The following SLC2A3 variants were observed in gnomAD, a reference collection of about 807,000 sequenced individuals.
SLC2A3 encodes the protein solute carrier family 2 member 3, also known as solute carrier family 2, facilitated glucose transporter member 3.
Under a neutral mutation model 46.4 loss-of-function variants are expected in SLC2A3, and 21 were observed. That is an observed-to-expected ratio of 0.45 (90% confidence interval 0.32 to 0.65). SLC2A3 has a LOEUF of 0.65. SLC2A3 is among the 30% of genes least tolerant of loss of function. The pLI, the probability that SLC2A3 is intolerant of heterozygous loss-of-function variation, is 0.04. For synonymous variants in SLC2A3, 213 were observed against 239.4 expected (o/e 0.89, Z 1.02); for missense variants, 499 against 623.3 (o/e 0.80, Z 2.12).
chr12:7,932,954 A>G, intron 3 of SLC2A3, 33 bp downstream of exon 3: 1 of 1,611,988 alleles, frequency 6.2e-7, no homozygotes, highest in Admixed American at 1.7e-5. Flanking sequence ...TGGCTGGTAG[A>G]GCCCACTTCC....
Position 7,921,375 on chromosome 12 carries a change from C to A in SLC2A3, c.*38G>T, listed in dbSNP as rs1443125522. ...CTCTCCCTTGTTGAGGGAGAGGTGG[C>A]TTTCCCATGCCGGGAGGGAGGTGGA... On this transcript the variant is annotated 3_prime_UTR_variant, in exon 10 of 10. Transcript: ENST00000075120. The A allele has an allele frequency of 2.5e-6, 4 of 1,613,604 alleles. No individual in the cohort carries two copies. The African/African-American group carries it at 5.3e-5, about 22-fold the overall frequency.
rs80058986 is a variant in SLC2A3, at chr12:7,931,332, G to A, written c.423C>T (p.Tyr141=). ...GGGCAGTAGGCGAGATCTCTCCAAT[G>A]TACATGGGCACAAAACCTGTGCAGA... ...CGLCTGFVPM[Y]IGEISPTALR... Residue 141 remains tyrosine (Y), a synonymous_variant, in exon 4 of 10, where the codon TAC becomes TAT. Transcript: ENST00000075120. The A allele has an allele frequency of 3.1e-6, 5 of 1,614,152 alleles. No individual in the cohort carries two copies. In the Admixed American group the frequency reaches 8.3e-5, roughly 27 times the overall value.
At chr12:7,933,300 C>T (rs1032777084) in intron 2 of SLC2A3, 153 bp from the exon 3 acceptor site, 1 of 867,224 alleles carries the variant, frequency 1.2e-6, no homozygotes, top group Non-Finnish European at 1.7e-6. Context: ...TATGTTAACT[C>T]TCGCTGGAAT....
At chr12:7,928,039 G>C (rs1039258866) in intron 6 of SLC2A3, among the ~76,000 whole-genome samples, 9 of 152,050 alleles carry the variant, frequency 5.9e-5, no homozygotes, top group African/African-American at 2.2e-4. Context: ...CCAGGAGATG[G>C]AGGTTGTGGT....
chr12:7,920,425 C>T lies in SLC2A3; in HGVS notation c.*988G>A, dbSNP rs1410484592. ...CTTTCTAGAAATCACTTTCTCTTCC[C>T]TGGACTCCATCCAAAATTAGAACCC... On this transcript the variant is annotated 3_prime_UTR_variant, in exon 10 of 10. Transcript: ENST00000075120. The T allele has an allele frequency of 6.6e-6, 1 of 152,078 alleles. No homozygotes were observed. Among genetic ancestry groups the T allele is most frequent in the Non-Finnish European group, 1.5e-5 (1 of 68,020 alleles). 9.4% of individuals were successfully genotyped at this position (152,078 alleles called of 1,614,324 possible). A position where few individuals can be genotyped will look rare whatever the true frequency, so the allele number is the denominator to read the frequency against.
Position 7,933,904 on chromosome 12 carries a change from T to TGGAG in SLC2A3, c.16-6_16-3dup. The TGGAG allele has an allele frequency of 6.2e-7, 1 of 1,613,426 alleles. No homozygotes were observed. The highest frequency in any genetic ancestry group is 8.5e-7 in the Non-Finnish European group (1 of 1,179,474). ...GGCAAATATCAGAGCTGGGGTGACC[T>TGGAG]GGAGGGAGGGAAGACAGAGGAGAGA... On this transcript the variant is annotated splice_polypyrimidine_tract_variant and splice_region_variant and intron_variant, in intron 1 of 9. Coordinates refer to ENST00000075120, the MANE Select transcript of SLC2A3 (RefSeq NM_006931.3).
intron 7 of SLC2A3, 47 bp downstream of exon 7, chr12:7,925,797 G>T: frequency 7.1e-7 from 1 of 1,403,370 alleles, no homozygotes; most frequent in Non-Finnish European, 1.0e-6. Flanking sequence ...AACATCTGTA[G>T]CAAGGATTCT....
At chr12:7,933,349 G>T in intron 2 of SLC2A3, 1 of 697,738 alleles carries the variant, frequency 1.4e-6, no homozygotes, top group Non-Finnish European at 2.3e-6. Flanking sequence ...GTAGGTGGCA[G>T]CACCGATGTT....
chr12:7,928,798 G>T (rs1946121900), intron 6 of SLC2A3, among the ~76,000 whole-genome samples: 1 of 151,450 alleles, frequency 6.6e-6, no homozygotes, highest in Admixed American at 6.6e-5. Flanking sequence ...TCACCTAGGA[G>T]GCTTTTTCTA....
intron 4 of SLC2A3, 57 bp from the exon 5 acceptor site, chr12:7,930,699 A>G: frequency 6.6e-7 from 1 of 1,511,320 alleles, no homozygotes; most frequent in Non-Finnish European, 8.9e-7. Context: ...CCACAAGTTC[A>G]TTAAAACACA....
chr12:7,930,257 AG>A (rs1425509095), intron 5 of SLC2A3: 3 of 545,022 alleles, frequency 5.5e-6, no homozygotes, highest in Non-Finnish European at 9.4e-6. Context: ...GCTGGATTAC[AG>A]GCATGAGCCA....
intron 6 of SLC2A3, among the ~76,000 whole-genome samples, chr12:7,927,170 T>C (rs904381493): frequency 6.6e-6 from 1 of 152,110 alleles, no homozygotes; most frequent in Non-Finnish European, 1.5e-5. Flanking sequence ...AATAAGATAA[T>C]TGTGTTTTGA....
chr12:7,930,362 C>A, intron 5 of SLC2A3, 118 bp downstream of exon 5: 1 of 1,118,746 alleles, frequency 8.9e-7, no homozygotes, highest in Non-Finnish European at 1.3e-6. Flanking sequence ...TCAGAACCCT[C>A]CTCACTTGGA....
intron 1 of SLC2A3, among the ~76,000 whole-genome samples, chr12:7,934,641 T>C (rs1396772302): frequency 6.6e-6 from 1 of 152,102 alleles, no homozygotes. Flanking sequence ...ATTTCTACCT[T>C]GGGGCAGCTC....
chr12:7,930,114 T>G (rs558798579), intron 5 of SLC2A3: 5 of 767,594 alleles, frequency 6.5e-6, no homozygotes, highest in Non-Finnish European at 9.7e-6. Context: ...GCCTCCCAAG[T>G]AGCTGGGATT....
chr12:7,933,649 T>G (rs1305848565), intron 2 of SLC2A3, 161 bp downstream of exon 2: 6 of 705,118 alleles, frequency 8.5e-6, no homozygotes, highest in Admixed American at 2.9e-5. Context: ...GGATGGTGTT[T>G]AACTCCTGGA....
chr12:7,920,494 T>C lies in SLC2A3; in HGVS notation c.*919A>G, dbSNP rs1018658238. Reference sequence around the variant, plus strand: ...CAATGCCCATATTAGTTAATAATCCTAGATTTCAAGTACTACTACATGTAA... The same window carrying C: ...CAATGCCCATATTAGTTAATAATCCCAGATTTCAAGTACTACTACATGTAA... On this transcript the variant is annotated 3_prime_UTR_variant, in exon 10 of 10. Coordinates refer to ENST00000075120, the MANE Select transcript of SLC2A3 (RefSeq NM_006931.3). 2.6e-5 allele frequency: 4 copies of C among 152,160 alleles called. No homozygotes were observed. Among genetic ancestry groups the C allele is most frequent in the African/African-American group, 9.7e-5 (4 of 41,434 alleles). 9.4% of individuals were successfully genotyped at this position (152,160 alleles called of 1,614,324 possible).
chr12:7,934,461 C>CTG (rs1946192180), intron 1 of SLC2A3, among the ~76,000 whole-genome samples: 1 of 151,754 alleles, frequency 6.6e-6, no homozygotes, highest in African/African-American at 2.4e-5. Flanking sequence ...TTTCAGTCTT[C>CTG]GTTTATTAAA....
chr12:7,932,931 C>G, intron 3 of SLC2A3, 56 bp downstream of exon 3: 1 of 1,605,022 alleles, frequency 6.2e-7, no homozygotes, highest in Non-Finnish European at 8.5e-7. Context: ...ACTCTCCACA[C>G]TTGTCCTCAA....
Sources: gnomAD v4.1 joint callset for allele counts (sites outside exome capture counted in the v4.1 genomes callset) on GRCh38, gnomAD v4.1.1 for gene constraint, MANE v1.5 for transcripts, NCBI Gene and HGNC (gene_info 2026-07-23, HGNC 2026-07-21) for gene names.